Variants in ADCY5 observed in about 807,000 individuals in gnomAD.
ADCY5 encodes adenylate cyclase 5, also known as adenylate cyclase type 5.
In ADCY5, 30 loss-of-function variants were observed where a neutral mutation model predicts 119.7. That is an observed-to-expected ratio of 0.25 (90% confidence interval 0.19 to 0.34). The LOEUF (loss-of-function observed/expected upper bound fraction) is 0.34, where lower values mean the gene tolerates loss of function less well. ADCY5 is among the 10% of genes least tolerant of loss of function. The pLI is 1.00. For missense variants in ADCY5, 1,324 were observed against 1,775.2 expected (o/e 0.75, Z 4.57); for synonymous variants, 753 against 762.2 (o/e 0.99, Z 0.20).
intron 3 of ADCY5, among the ~76,000 whole-genome samples, chr3:123,344,292 T>C (rs899182073): frequency 1.2e-4 from 18 of 152,224 alleles, no homozygotes; most frequent in Non-Finnish European, 2.1e-4. Flanking sequence ...CTGCAGAGAA[T>C]TGATGAATGT....
intron 1 of ADCY5, chr3:123,419,136 T>C (rs1234424617): frequency 1.0e-6 from 1 of 985,108 alleles, no homozygotes; most frequent in East Asian, 1.1e-4. Flanking sequence ...CAGGGAACGC[T>C]GATAGTGCAG....
chr3:123,345,206 C>T (rs1377533635), intron 3 of ADCY5, among the ~76,000 whole-genome samples: 1 of 152,168 alleles, frequency 6.6e-6, no homozygotes. Flanking sequence ...GGCCCAAGAG[C>T]CAGCACCGTG....
intron 12 of ADCY5, among the ~76,000 whole-genome samples, chr3:123,309,665 C>T (rs1298042918): frequency 6.6e-6 from 1 of 152,120 alleles, no homozygotes; most frequent in Non-Finnish European, 1.5e-5. Flanking sequence ...ACAGGGAGAA[C>T]CTACAATATG....
intron 12 of ADCY5, among the ~76,000 whole-genome samples, chr3:123,308,444 A>G (rs959868173): frequency 2.0e-5 from 3 of 152,188 alleles, no homozygotes; most frequent in Non-Finnish European, 2.9e-5. Context: ...TCCTGTCTTG[A>G]TATCAGTTTA....
At chr3:123,366,278 T>C (rs1484286233) in intron 1 of ADCY5, among the ~76,000 whole-genome samples, 1 of 152,194 alleles carries the variant, frequency 6.6e-6, no homozygotes, top group Non-Finnish European at 1.5e-5. Context: ...TGGAGCATAG[T>C]GGATGAGGGA....
In ADCY5 at chr3:123,303,089, C is replaced by T; in HGVS notation, c.2690G>A (p.Cys897Tyr). The change falls in exon 14 of 21, where the codon TGT (cysteine) becomes TAT (tyrosine). Residue 897 changes from cysteine to tyrosine, a missense_variant. By Grantham distance (194) the Cys-to-Tyr change is radical. Around this residue, in one of 6 missense-constraint regions of ADCY5, gnomAD observed 424 missense variants for 546.8 expected, o/e 0.78. Coordinates refer to ENST00000462833, the MANE Select transcript of ADCY5 (RefSeq NM_183357.3). The stretch of plus-strand genomic sequence containing the variant: ...GTTGCAGTTGGGCCAGGGGCTGCCA[C>T]AGAAGCCCTGCTCATCGCCCAGGCT... ...NYSLGDEQGF[C>Y]GSPWPNCNFP... 1.2e-6 allele frequency: 2 copies of T among 1,613,820 alleles called. No individual in the cohort carries two copies. Among genetic ancestry groups the T allele is most frequent in the Non-Finnish European group, 1.7e-6 (2 of 1,180,024 alleles).
At chr3:123,439,945 C>T (rs954278040) in intron 1 of ADCY5, among the ~76,000 whole-genome samples, 17 of 152,206 alleles carry the variant, frequency 1.1e-4, no homozygotes, top group Non-Finnish European at 2.2e-4. Flanking sequence ...TAAGAAGGCA[C>T]ACATTTTAAA....
intron 1 of ADCY5, among the ~76,000 whole-genome samples, chr3:123,388,282 G>A (rs1167336315): frequency 2.0e-5 from 3 of 152,158 alleles, no homozygotes; most frequent in Non-Finnish European, 2.9e-5. Context: ...TGGAGGGGAC[G>A]TTTCAGAGCC....
In ADCY5 at chr3:123,401,704, C is replaced by T. The variant is rs978799556; in HGVS notation, c.1134+45708G>A. On this transcript the variant is annotated intron_variant, in intron 1 of 20. Transcript: ENST00000462833. ...ATCTCCCTCCCTGGTCAGCATTCTT[C>T]ATGGCAGGAACTTTTCCCCAAACTT... Among the ~76,000 whole-genome samples, 4 of 152,170 alleles carry T rather than the reference C, an allele frequency of 2.6e-5. 1 individual carries two copies. The highest frequency in any genetic ancestry group is 2.6e-4 in the Admixed American group (4 of 15,292).
chr3:123,447,043 A>G (rs1253819742), intron 1 of ADCY5, among the ~76,000 whole-genome samples: 1 of 152,196 alleles, frequency 6.6e-6, no homozygotes, highest in Non-Finnish European at 1.5e-5. Context: ...TGGCTGCTAG[A>G]GGGTCCAGCC....
At position 123,284,652 on chromosome 3, in the gene ADCY5, C is replaced by T. The variant is rs945526595; in HGVS notation, c.3742G>A (p.Glu1248Lys). 6.2e-6 allele frequency: 10 copies of T among 1,614,146 alleles called. No homozygotes were observed. The highest frequency in any genetic ancestry group is 2.7e-5 in the African/African-American group (2 of 74,948). ...RGVVKVKGKG[E>K]MMTYFLNGGP... ...CCATTGAGGAAGTAGGTCATCATCT[C>T]GCCTTTGCCCTTGACCTTGACCACG... Residue 1248 changes from glutamate (E) to lysine (K), a missense_variant, in exon 21 of 21, where the codon GAG (glutamate) becomes AAG (lysine). Glu to Lys is a moderately conservative substitution (Grantham distance 56). This residue lies in a region of ADCY5 where 178 missense variants were observed against 329.6 expected (regional missense o/e 0.54). Coordinates refer to ENST00000462833, the MANE Select transcript of ADCY5 (RefSeq NM_183357.3).
intron 3 of ADCY5, among the ~76,000 whole-genome samples, chr3:123,347,157 A>G (rs1370013338): frequency 6.6e-6 from 1 of 151,626 alleles, no homozygotes; most frequent in Non-Finnish European, 1.5e-5. Context: ...AGAGTACACA[A>G]TGTAGACTGT....
chr3:123,303,261 T>C, intron 13 of ADCY5, 42 bp from the exon 14 acceptor site: 1 of 1,593,730 alleles, frequency 6.3e-7, no homozygotes, highest in Non-Finnish European at 8.6e-7. Flanking sequence ...GGTAAGCTGC[T>C]GGGGGACAGG....
In ADCY5 at chr3:123,408,423, C is replaced by T. The variant is rs139778394; in HGVS notation, c.1134+38989G>A. ...CTGTAATCCAAGCACTTTGGGAGGCCGAGGTGGGCGGATCACGAGGTCAGG... is the reference window on the plus strand; with the variant it reads ...CTGTAATCCAAGCACTTTGGGAGGCTGAGGTGGGCGGATCACGAGGTCAGG... On this transcript the variant is annotated intron_variant, in intron 1 of 20. Coordinates refer to ENST00000462833, the MANE Select transcript of ADCY5 (RefSeq NM_183357.3). Among the ~76,000 whole-genome samples, 1,044 of 150,710 alleles carry T rather than the reference C, an allele frequency of 6.9e-3. 10 individuals carry two copies. Among genetic ancestry groups the T allele is most frequent in the African/African-American group, 0.023 (953 of 40,942 alleles).
intron 1 of ADCY5, among the ~76,000 whole-genome samples, chr3:123,373,343 G>A (rs932338639): frequency 6.6e-6 from 1 of 152,216 alleles, no homozygotes; most frequent in Non-Finnish European, 1.5e-5. Context: ...GTCCTCTGTC[G>A]CTGGGCATTA....
At chr3:123,447,332 G>T in intron 1 of ADCY5, 80 bp downstream of exon 1, 1 of 1,368,238 alleles carries the variant, frequency 7.3e-7, no homozygotes, top group Non-Finnish European at 9.7e-7. Context: ...GAAAGGGTGA[G>T]GGTGGGATCC....
At chr3:123,370,692 G>A (rs1219778512) in intron 1 of ADCY5, among the ~76,000 whole-genome samples, 1 of 152,206 alleles carries the variant, frequency 6.6e-6, no homozygotes, top group Non-Finnish European at 1.5e-5. Flanking sequence ...TAAGGCCACT[G>A]TATTTTGGTA....
At chr3:123,420,924 C>T (rs1005931095) in intron 1 of ADCY5, among the ~76,000 whole-genome samples, 1 of 152,146 alleles carries the variant, frequency 6.6e-6, no homozygotes, top group Non-Finnish European at 1.5e-5. Context: ...CTCAGGTGTT[C>T]CTTGGCTTGT....
chr3:123,382,137 T>G (rs994036211), intron 1 of ADCY5, among the ~76,000 whole-genome samples: 7 of 152,180 alleles, frequency 4.6e-5, no homozygotes, highest in African/African-American at 1.7e-4. Flanking sequence ...GGCTGTTGCT[T>G]CTGCATGGGA....
Sources: gnomAD v4.1 joint callset for allele counts (sites outside exome capture counted in the v4.1 genomes callset) on GRCh38, gnomAD v4.1.1 for gene constraint, gnomAD v4.1.1 regional missense constraint, MANE v1.5 for transcripts, NCBI Gene and HGNC (gene_info 2026-07-23, HGNC 2026-07-21) for gene names.